ELFN2: variants seen among roughly 807,000 people sequenced by gnomAD.
ELFN2 encodes extracellular leucine rich repeat and fibronectin type III domain containing 2, also known as protein phosphatase 1 regulatory subunit 29.
Under a neutral mutation model 45.5 loss-of-function variants are expected in ELFN2, and 17 were observed. That is an observed-to-expected ratio of 0.37 (90% CI 0.26 to 0.56). The LOEUF (loss-of-function observed/expected upper bound fraction) is 0.56, where lower values mean the gene tolerates loss of function less well. ELFN2 is among the 20% of genes least tolerant of loss of function. The probability of loss-of-function intolerance (pLI) is 0.77; values close to 1 mark genes in which losing one functional copy is unlikely to be tolerated. For synonymous variants in ELFN2, 550 were observed against 551.5 expected (o/e 1.00, Z 0.04); for missense variants, 922 against 1,183.2 (o/e 0.78, Z 3.24).
chr22:37,414,245 C>T (rs1932725507), intron 2 of ELFN2, among the ~76,000 whole-genome samples: 1 of 152,158 alleles, frequency 6.6e-6, no homozygotes, highest in East Asian at 1.9e-4. Context: ...AATAAAACAG[C>T]ATCAAGTTGT....
chr22:37,409,304 C>A (rs1932588043), intron 2 of ELFN2, among the ~76,000 whole-genome samples: 1 of 152,190 alleles, frequency 6.6e-6, no homozygotes, highest in South Asian at 2.1e-4. Flanking sequence ...CGAAGCAGCT[C>A]CCTGTGGCCC....
intron 2 of ELFN2, among the ~76,000 whole-genome samples, chr22:37,407,680 G>A (rs9610742): frequency 0.17 from 25,873 of 151,708 alleles, 3,010 homozygotes; most frequent in African/African-American, 0.34. Context: ...GGCGGATCAC[G>A]AGGTCAGGAG....
intron 2 of ELFN2, among the ~76,000 whole-genome samples, chr22:37,381,912 C>T (rs1931785528): frequency 7.0e-6 from 1 of 143,660 alleles, no homozygotes; most frequent in Non-Finnish European, 1.5e-5. Context: ...GCCGAGATCG[C>T]GCCTCTGCAC....
intron 2 of ELFN2, among the ~76,000 whole-genome samples, chr22:37,396,381 G>A (rs972201526): frequency 1.3e-5 from 2 of 152,204 alleles, no homozygotes; most frequent in Admixed American, 6.5e-5. Context: ...GCGTGCAGAA[G>A]AGGCTCAGCA....
chr22:37,401,908 C>T (rs564548666), intron 2 of ELFN2, among the ~76,000 whole-genome samples: 1 of 152,208 alleles, frequency 6.6e-6, no homozygotes, highest in Non-Finnish European at 1.5e-5. Flanking sequence ...TTGTCTTTTC[C>T]GTCTTCCATC....
At chr22:37,392,467 G>A (rs1313817829) in intron 2 of ELFN2, among the ~76,000 whole-genome samples, 9 of 151,902 alleles carry the variant, frequency 5.9e-5, no homozygotes, top group East Asian at 1.9e-4. Flanking sequence ...AGAGGCGCCC[G>A]CCACCACACC....
At position 37,374,578 on chromosome 22, in the gene ELFN2, G is replaced by A; in HGVS notation, c.957C>T (p.Tyr319=). ...ATLVVIIPHP[Y]SKMYILVQYN... is the part of the protein sequence containing the mutation. ...ACTGCACGAGGATGTACATCTTGCTGTAGGGGTGTGGGATGATGACCACCA... is the reference window on the plus strand; with the variant it reads ...ACTGCACGAGGATGTACATCTTGCTATAGGGGTGTGGGATGATGACCACCA... The change falls in exon 3 of 3, where the codon TAC becomes TAT. Residue 319 remains tyrosine (Y), a synonymous_variant. Coordinates refer to ENST00000402918, the MANE Select transcript of ELFN2 (RefSeq NM_052906.5). 2 of 1,614,258 alleles carry A rather than the reference G, an allele frequency of 1.2e-6. No individual in the cohort carries two copies. Among genetic ancestry groups the A allele is most frequent in the Non-Finnish European group, 8.5e-7 (1 of 1,180,042 alleles).
chr22:37,387,047 C>T (rs548231321), intron 2 of ELFN2, among the ~76,000 whole-genome samples: 7 of 152,224 alleles, frequency 4.6e-5, no homozygotes, highest in African/African-American at 1.7e-4. Flanking sequence ...GAGGGTCTGG[C>T]GCGTGGCACC....
rs750286246 is a variant in ELFN2 at position 37,373,553 on chromosome 22, G to T, written c.1982C>A (p.Ser661Tyr). Residue 661 changes from serine to tyrosine, a missense_variant, in exon 3 of 3, where the codon TCC (serine) becomes TAC (tyrosine). Transcript: ENST00000402918. ...GGGGCTGCCCTTCTCGATGTACTTG[G>T]AGTCGCCCTTAGCCAGCCCTGTGGC... The part of the protein sequence containing the change: ...PAATGLAKGD[S>Y]KYIEKGSPLN... 76 of 1,598,316 alleles carry T rather than the reference G, an allele frequency of 4.8e-5. No individual in the cohort carries two copies. The highest frequency in any genetic ancestry group is 6.2e-5 in the Non-Finnish European group (73 of 1,174,072).
In ELFN2 at chr22:37,375,940, G is replaced by C. The variant is rs1325322608; in HGVS notation, c.-406C>G. The C allele has an allele frequency of 1.1e-5, 3 of 265,394 alleles. No homozygotes were observed. 16.4% of individuals were successfully genotyped at this position (265,394 alleles called of 1,614,324 possible). On this transcript the variant is annotated 5_prime_UTR_variant, in exon 3 of 3. It introduces an in-frame stop codon into an upstream open reading frame of the 5' UTR. Transcript: ENST00000402918. ...ACAGGAGGCTGGAGAGTGCCGCACT[G>C]AGCCAGGAGTGAGAGAGATGGGGGC...
At chr22:37,356,714 G>A (rs1930958709) in intron 1 of ELFN2, among the ~76,000 whole-genome samples, 1 of 152,196 alleles carries the variant, frequency 6.6e-6, no homozygotes, top group Admixed American at 6.5e-5. Context: ...GTAGTACTGG[G>A]TTTGACACTC....
intron 1 of ELFN2, among the ~76,000 whole-genome samples, chr22:37,352,607 C>T (rs1301895348): frequency 2.0e-5 from 3 of 150,622 alleles, no homozygotes; most frequent in Admixed American, 6.6e-5. Context: ...AAGAAGCTGG[C>T]GTGGCAAAGT....
chr22:37,375,442 C>T lies in ELFN2; in HGVS notation c.93G>A (p.Lys31=), dbSNP rs773186802. ...TGCAGATGGCCAGCCACACGTAGCC[C>T]TTGTCGCCCTCAATGAGCCAGCAGT... is the stretch of plus-strand genomic sequence containing the variant. ...RADCWLIEGD[K]GYVWLAICSQ... The change falls in exon 3 of 3, where the codon AAG becomes AAA. Residue 31 remains lysine (K), a synonymous_variant. Transcript: ENST00000402918. 6.2e-7 allele frequency: 1 copy of T among 1,613,362 alleles called. No individual in the cohort carries two copies. The highest frequency in any genetic ancestry group is 1.1e-5 in the South Asian group (1 of 90,966).
intron 1 of ELFN2, among the ~76,000 whole-genome samples, chr22:37,359,073 TAAG>T (rs1243618388): frequency 4.6e-5 from 7 of 152,038 alleles, no homozygotes; most frequent in African/African-American, 1.7e-4. Flanking sequence ...GGGAGTGCAC[TAAG>T]TAGGGAATCA....
downstream of ELFN2, among the ~76,000 whole-genome samples, chr22:37,366,796 G>A (rs1931216351): frequency 6.6e-6 from 1 of 152,246 alleles, no homozygotes; most frequent in African/African-American, 2.4e-5. Flanking sequence ...GAGGGACCCT[G>A]GCTGGCTGTG....
intron 2 of ELFN2, among the ~76,000 whole-genome samples, chr22:37,384,060 G>A (rs1415224109): frequency 6.6e-6 from 1 of 152,080 alleles, no homozygotes; most frequent in Non-Finnish European, 1.5e-5. Flanking sequence ...CCCCCCCATG[G>A]CTCACCCGGT....
intron 2 of ELFN2, among the ~76,000 whole-genome samples, chr22:37,394,879 C>T (rs771840412): frequency 1.3e-5 from 2 of 151,990 alleles, no homozygotes; most frequent in African/African-American, 4.8e-5. Flanking sequence ...CCGAGGCGGG[C>T]GGATCACGAG....
At chr22:37,397,720 CCA>C (rs569422038) in intron 2 of ELFN2, among the ~76,000 whole-genome samples, 146 of 152,286 alleles carry the variant, frequency 9.6e-4, no homozygotes, top group Middle Eastern at 3.4e-3. Context: ...CGACCTGAAC[CCA>C]GAGATCGGCA....
At chr22:37,346,880 A>G (rs1930709954) in intron 1 of ELFN2, among the ~76,000 whole-genome samples, 1 of 152,072 alleles carries the variant, frequency 6.6e-6, no homozygotes, top group South Asian at 2.1e-4. Context: ...TCCCCTCAGC[A>G]GTGCAGAGAC....
Sources: allele counts gnomAD v4.1 joint callset (sites outside exome capture counted in the v4.1 genomes callset), GRCh38; gene constraint gnomAD v4.1.1; transcripts MANE v1.5; gene names NCBI Gene and HGNC (gene_info 2026-07-23, HGNC 2026-07-21).